Variants in DSCAM observed in about 807,000 individuals in gnomAD.
DSCAM encodes DS cell adhesion molecule.
Under a neutral mutation model 217.7 loss-of-function variants are expected in DSCAM, and 47 were observed. The observed-to-expected ratio is 0.22, with a 90% confidence interval of 0.17 to 0.28. DSCAM has a LOEUF of 0.28. DSCAM is among the 10% of genes least tolerant of loss of function. The pLI is 1.00. For synonymous variants in DSCAM, 1,056 were observed against 1,015.3 expected, an observed-to-expected ratio of 1.04 and a Z score of -0.76; for missense variants, 2,080 against 2,618.3, an observed-to-expected ratio of 0.79 and a Z score of 4.49.
intron 2 of DSCAM, among the ~76,000 whole-genome samples, chr21:40,693,684 A>G (rs113652140): frequency 2.6e-5 from 4 of 152,098 alleles, no homozygotes; most frequent in African/African-American, 9.7e-5. Context: ...ATAATTTTTC[A>G]TTAGTAAATT....
chr21:40,177,973 C>A (rs1371993624), intron 15 of DSCAM, among the ~76,000 whole-genome samples: 2 of 152,144 alleles, frequency 1.3e-5, no homozygotes, highest in Non-Finnish European at 2.9e-5. Context: ...ATCTTCCCTG[C>A]AGTAGGGAGT....
intron 3 of DSCAM, among the ~76,000 whole-genome samples, chr21:40,517,207 T>C (rs973129022): frequency 2.9e-4 from 43 of 149,170 alleles, no homozygotes; most frequent in Non-Finnish European, 5.5e-4. Context: ...TATACATATA[T>C]ATGCACACAT....
At chr21:40,611,057 ATT>A (rs527262141) in intron 3 of DSCAM, among the ~76,000 whole-genome samples, 25 of 129,748 alleles carry the variant, frequency 1.9e-4, no homozygotes, top group Admixed American at 2.5e-4. Context: ...TTAGTTTTCA[ATT>A]TTTTTTTTTT....
At chr21:40,585,195 A>C (rs1245489014) in intron 3 of DSCAM, among the ~76,000 whole-genome samples, 1 of 82,858 alleles carries the variant, frequency 1.2e-5, no homozygotes, top group Admixed American at 1.3e-4. Flanking sequence ...TTTTTTTTTT[A>C]CAACTTACCC....
intron 3 of DSCAM, among the ~76,000 whole-genome samples, chr21:40,550,753 C>T (rs1052242020): frequency 5.3e-5 from 8 of 152,152 alleles, no homozygotes; most frequent in Non-Finnish European, 2.9e-5. Flanking sequence ...GCCTCCAGAA[C>T]CATAATATGT....
chr21:40,676,230 C>G (rs1317217308), intron 3 of DSCAM, among the ~76,000 whole-genome samples: 2 of 152,124 alleles, frequency 1.3e-5, no homozygotes. Context: ...AAACATTCAT[C>G]TTATGTCAAC....
chr21:40,128,456 T>C (rs767332991), intron 19 of DSCAM, among the ~76,000 whole-genome samples: 5 of 151,886 alleles, frequency 3.3e-5, no homozygotes, highest in Non-Finnish European at 5.9e-5. Flanking sequence ...TCAGGTATCA[T>C]TGAGGTTCTA....
intron 3 of DSCAM, among the ~76,000 whole-genome samples, chr21:40,597,642 G>A (rs973361192): frequency 4.6e-5 from 7 of 151,602 alleles, no homozygotes; most frequent in Non-Finnish European, 7.4e-5. Flanking sequence ...AAGTAGCTGG[G>A]ACTACAGGTG....
chr21:40,156,287 CAGAGAG>C (rs749781848), intron 16 of DSCAM, among the ~76,000 whole-genome samples: 5,933 of 75,650 alleles, frequency 0.078, 139 homozygotes, highest in Middle Eastern at 0.23. Context: ...CAAACTAAGA[CAGAGAG>C]AGAGAGAGAG....
intron 3 of DSCAM, among the ~76,000 whole-genome samples, chr21:40,616,522 C>T (rs2089396402): frequency 6.6e-6 from 1 of 152,194 alleles, no homozygotes; most frequent in Non-Finnish European, 1.5e-5. Context: ...GCTTACATCA[C>T]TGAAGTTCAT....
chr21:40,241,405 A>T (rs2073151086), intron 11 of DSCAM, among the ~76,000 whole-genome samples: 1 of 152,220 alleles, frequency 6.6e-6, no homozygotes, highest in Non-Finnish European at 1.5e-5. Flanking sequence ...ATCACCAATC[A>T]CTAGAGAAAT....
intron 3 of DSCAM, among the ~76,000 whole-genome samples, chr21:40,498,236 G>A (rs2076134925): frequency 6.6e-6 from 1 of 152,110 alleles, no homozygotes; most frequent in Admixed American, 6.6e-5. Flanking sequence ...AATTGTATAT[G>A]AAGGCAACAA....
intron 1 of DSCAM, among the ~76,000 whole-genome samples, chr21:40,803,775 G>T (rs2091762516): frequency 1.3e-5 from 2 of 151,256 alleles, no homozygotes; most frequent in Admixed American, 1.3e-4. Context: ...GGAAGAATGG[G>T]GAAAAAAAAA....
At chr21:40,806,615 G>T (rs1049772360) in intron 1 of DSCAM, among the ~76,000 whole-genome samples, 1 of 152,126 alleles carries the variant, frequency 6.6e-6, no homozygotes, top group African/African-American at 2.4e-5. Context: ...TACATTCAAG[G>T]GCTGTGTTTC....
chr21:40,555,912 C>T (rs1247261125), intron 3 of DSCAM, among the ~76,000 whole-genome samples: 1 of 152,098 alleles, frequency 6.6e-6, no homozygotes, highest in East Asian at 1.9e-4. Flanking sequence ...GCTGGGATTA[C>T]AGGTGTGTGA....
At chr21:40,081,122 T>C (rs8130948) in intron 24 of DSCAM, among the ~76,000 whole-genome samples, 68,315 of 151,932 alleles carry the variant, frequency 0.45, 15,583 homozygotes, top group African/African-American at 0.49. Flanking sequence ...AGGATGCAGA[T>C]CCTGCAGTCA....
chr21:40,706,880 C>G (rs559091184), intron 2 of DSCAM, among the ~76,000 whole-genome samples: 18 of 152,238 alleles, frequency 1.2e-4, no homozygotes, highest in African/African-American at 3.9e-4. Context: ...CAAACTGATA[C>G]AGTAGTCATC....
intron 3 of DSCAM, among the ~76,000 whole-genome samples, chr21:40,485,723 A>G (rs540028239): frequency 4.7e-4 from 72 of 152,228 alleles, no homozygotes; most frequent in African/African-American, 1.6e-3. Flanking sequence ...TGTTATTTCT[A>G]TTTGTTATTT....
Position 40,137,178 on chromosome 21 carries a change from GAA to G in DSCAM, c.3407-3171_3407-3170del, listed in dbSNP as rs34652896. The stretch of plus-strand genomic sequence containing the variant: ...CGACAGAGCGAGACTCTGTCTCAAG[GAA>G]AAAAAAAAAAAAAAAAAAGCAAACA... On this transcript the variant is annotated intron_variant, in intron 18 of 32. Coordinates refer to ENST00000400454, the MANE Select transcript of DSCAM (RefSeq NM_001389.5). 2.2e-3 allele frequency among the ~76,000 whole-genome samples: 139 copies of G among 64,488 alleles called. 1 individual carries two copies. Among genetic ancestry groups the G allele is most frequent in the East Asian group, 3.8e-3 (7 of 1,864 alleles). The allele number at this position is 64,488 out of a possible 152,430, so 42.3% of individuals were successfully genotyped here.
Sources: gnomAD v4.1 joint callset for allele counts (sites outside exome capture counted in the v4.1 genomes callset) on GRCh38, gnomAD v4.1.1 for gene constraint, MANE v1.5 for transcripts, NCBI Gene and HGNC (gene_info 2026-07-23, HGNC 2026-07-21) for gene names.